The following SCTR variants were observed in gnomAD, a reference collection of about 807,000 sequenced individuals.
The protein encoded by SCTR is secretin receptor.
In SCTR, 56 loss-of-function variants were observed where a neutral mutation model predicts 60.8. The ratio of observed to expected loss-of-function variants is 0.92; its 90% CI spans 0.74 to 1.15. The LOEUF (loss-of-function observed/expected upper bound fraction) is 1.15, where lower values mean the gene tolerates loss of function less well. SCTR is among the 50% of genes most tolerant of loss of function. The probability of loss-of-function intolerance (pLI) is 0.00; values close to 1 mark genes in which losing one functional copy is unlikely to be tolerated. For missense variants in SCTR, 562 were observed against 550.4 expected, an observed-to-expected ratio of 1.02 and a Z score of -0.21; for synonymous variants, 202 against 217.0, an observed-to-expected ratio of 0.93 and a Z score of 0.61.
At chr2:119,475,398 C>T (rs1329732646) in intron 3 of SCTR, among the ~76,000 whole-genome samples, 1 of 152,134 alleles carries the variant, frequency 6.6e-6, no homozygotes, top group Non-Finnish European at 1.5e-5. Flanking sequence ...ACTGACACAG[C>T]AGGACTCCCA....
At chr2:119,492,028 G>T (rs1276236839) in intron 2 of SCTR, among the ~76,000 whole-genome samples, 5 of 152,200 alleles carry the variant, frequency 3.3e-5, no homozygotes, top group Non-Finnish European at 1.5e-5. Flanking sequence ...ATACACAGAA[G>T]TCACTGGAGA....
chr2:119,521,595 C>T (rs1679288484), intron 1 of SCTR, among the ~76,000 whole-genome samples: 1 of 152,098 alleles, frequency 6.6e-6, no homozygotes, highest in African/African-American at 2.4e-5. Flanking sequence ...CCCCATTCGG[C>T]CACTTTTTGG....
chr2:119,463,380 A>G (rs1683695560), intron 6 of SCTR, among the ~76,000 whole-genome samples: 1 of 152,190 alleles, frequency 6.6e-6, no homozygotes, highest in South Asian at 2.1e-4. Flanking sequence ...CTTGCCTGGA[A>G]CACAGACAGG....
Position 119,451,908 on chromosome 2 carries a change from C to A in SCTR, c.921+102G>T, listed in dbSNP as rs1683183511. Reference sequence around the variant, plus strand: ...AAACACTGTGGTTTATCCCTCCTGGCACCTGCAGGGAGCCCTGTCCTTCCA... The same window carrying A: ...AAACACTGTGGTTTATCCCTCCTGGAACCTGCAGGGAGCCCTGTCCTTCCA... On this transcript the variant is annotated intron_variant, in intron 9 of 12. Coordinates refer to ENST00000019103, the MANE Select transcript of SCTR (RefSeq NM_002980.3). 8.2e-6 allele frequency: 6 copies of A among 733,894 alleles called. No individual in the cohort carries two copies. The Admixed American group carries it at 8.2e-5, about 10-fold the overall frequency. 45.5% of individuals were successfully genotyped at this position (733,894 alleles called of 1,614,324 possible).
At chr2:119,520,052 T>A (rs1054465689) in intron 1 of SCTR, among the ~76,000 whole-genome samples, 6 of 151,648 alleles carry the variant, frequency 4.0e-5, no homozygotes, top group Non-Finnish European at 7.4e-5. Context: ...AAAATAAGAG[T>A]CAATTAAAGG....
intron 11 of SCTR, among the ~76,000 whole-genome samples, chr2:119,442,351 G>A (rs74368242): frequency 2.6e-5 from 4 of 152,296 alleles, no homozygotes; most frequent in Admixed American, 6.5e-5. Flanking sequence ...GTGTCTCTGC[G>A]GCGCATTCAC....
chr2:119,477,425 G>C (rs990386899), intron 3 of SCTR, among the ~76,000 whole-genome samples: 1 of 150,488 alleles, frequency 6.6e-6, no homozygotes, highest in Non-Finnish European at 1.5e-5. Flanking sequence ...CCTGTTTCCT[G>C]TTCTGGACGT....
intron 2 of SCTR, 83 bp from the exon 3 acceptor site, chr2:119,479,001 T>A: frequency 6.4e-7 from 1 of 1,572,842 alleles, no homozygotes; most frequent in Non-Finnish European, 8.6e-7. Flanking sequence ...CCGACACCCT[T>A]GCCTGCCTGG....
intron 1 of SCTR, among the ~76,000 whole-genome samples, chr2:119,513,946 A>G (rs1158432350): frequency 6.6e-6 from 1 of 152,196 alleles, no homozygotes; most frequent in Non-Finnish European, 1.5e-5. Context: ...TTTGCTACAT[A>G]AAACTATGGT....
chr2:119,494,349 A>G lies in SCTR; in HGVS notation c.193+79T>C. The G allele has an allele frequency of 9.3e-6, 14 of 1,509,274 alleles. No individual in the cohort carries two copies. In the South Asian group the frequency reaches 1.7e-4, roughly 18 times the overall value. 93.5% of individuals were successfully genotyped at this position (1,509,274 alleles called of 1,614,324 possible). On this transcript the variant is annotated intron_variant, in intron 2 of 12. Coordinates refer to ENST00000019103, the MANE Select transcript of SCTR (RefSeq NM_002980.3). Reference sequence around the variant, plus strand: ...AGCCTCCCACATCCCATCCTGGCCCAGGATAAGCTCCCCCTGCCCAGCAGG... The same window carrying G: ...AGCCTCCCACATCCCATCCTGGCCCGGGATAAGCTCCCCCTGCCCAGCAGG...
intron 1 of SCTR, among the ~76,000 whole-genome samples, chr2:119,522,637 T>G (rs1217593639): frequency 6.6e-6 from 1 of 152,136 alleles, no homozygotes; most frequent in East Asian, 1.9e-4. Context: ...TTCCTTGAGA[T>G]AAAAATGTAG....
intron 6 of SCTR, 52 bp downstream of exon 6, chr2:119,464,071 C>G: frequency 1.9e-6 from 3 of 1,602,590 alleles, no homozygotes; most frequent in Non-Finnish European, 2.6e-6. Flanking sequence ...CAAAGCTAGG[C>G]TGGGGAAGGC....
intron 12 of SCTR, 46 bp downstream of exon 12, chr2:119,441,512 T>G: frequency 6.6e-7 from 1 of 1,525,448 alleles, no homozygotes; most frequent in Non-Finnish European, 9.1e-7. Context: ...CGGAAACCAA[T>G]GGCTAGGAGC....
At chr2:119,469,423 A>G (rs1676892373) in intron 4 of SCTR, among the ~76,000 whole-genome samples, 1 of 152,132 alleles carries the variant, frequency 6.6e-6, no homozygotes, top group Non-Finnish European at 1.5e-5. Flanking sequence ...GGTAGGAACC[A>G]TAAGACCTCA....
At chr2:119,448,834 C>T in intron 9 of SCTR, 54 bp from the exon 10 acceptor site, 7 of 962,324 alleles carry the variant, frequency 7.3e-6, no homozygotes, top group Non-Finnish European at 1.2e-5. Flanking sequence ...TTCCAGCCAC[C>T]TCTCCTGGCC....
chr2:119,468,407 G>T (rs1450775780), intron 4 of SCTR, among the ~76,000 whole-genome samples: 1 of 152,222 alleles, frequency 6.6e-6, no homozygotes, highest in African/African-American at 2.4e-5. Context: ...AACCCGGACT[G>T]TGACTCACCA....
chr2:119,467,872 G>A (rs1683903005), intron 4 of SCTR, among the ~76,000 whole-genome samples: 1 of 152,194 alleles, frequency 6.6e-6, no homozygotes, highest in Non-Finnish European at 1.5e-5. Context: ...CATGTGCAAT[G>A]TGATTCCAGC....
intron 3 of SCTR, 149 bp downstream of exon 3, chr2:119,478,662 G>T: frequency 1.4e-6 from 1 of 691,472 alleles, no homozygotes; most frequent in Non-Finnish European, 2.4e-6. Flanking sequence ...CCCAAGCAAG[G>T]CTTCTAATCC....
At chr2:119,463,062 T>TAC (rs35496213) in intron 6 of SCTR, among the ~76,000 whole-genome samples, 25,370 of 148,288 alleles carry the variant, frequency 0.17, 2,196 homozygotes, top group East Asian at 0.31. Context: ...AGTCAGAAAA[T>TAC]ACACACACAC....
Sources: allele counts gnomAD v4.1 joint callset (sites outside exome capture counted in the v4.1 genomes callset), GRCh38; gene constraint gnomAD v4.1.1; transcripts MANE v1.5; gene names NCBI Gene and HGNC (gene_info 2026-07-23, HGNC 2026-07-21).